The following LCLAT1 variants were observed in gnomAD, a reference collection of about 807,000 sequenced individuals.
LCLAT1 encodes 1-AGP acyltransferase 8.
Under a neutral mutation model 30.7 loss-of-function variants are expected in LCLAT1, and 11 were observed. The observed-to-expected ratio is 0.36, with a 90% CI of 0.23 to 0.59. LCLAT1 has a LOEUF of 0.59. Among genes scored for constraint, LCLAT1 ranks in the 20% least tolerant of loss-of-function variants. LCLAT1 has a pLI of 0.77. For missense variants in LCLAT1, 402 were observed against 458.6 expected (o/e 0.88, Z 1.13); for synonymous variants, 155 against 151.3 (o/e 1.02, Z -0.18).
At chr2:30,468,597 A>G (rs1247421837) in intron 1 of LCLAT1, among the ~76,000 whole-genome samples, 2 of 152,172 alleles carry the variant, frequency 1.3e-5, no homozygotes, top group Non-Finnish European at 2.9e-5. Context: ...AGTGGCATTG[A>G]GTACATTCAT....
rs542710282 is a variant in LCLAT1, at chr2:30,568,064, C to T, written c.516C>T (p.Asn172=). 6 of 1,521,200 alleles carry T rather than the reference C, an allele frequency of 3.9e-6. No individual in the cohort carries two copies. The South Asian group carries it at 7.0e-5, about 18-fold the overall frequency. The allele number at this position is 1,521,200 out of a possible 1,614,324, so 94.2% of individuals were successfully genotyped here. The change falls in exon 5 of 6, where the codon AAC becomes AAT. Residue 172 remains asparagine (N), a synonymous_variant. Coordinates refer to ENST00000379509, the MANE Select transcript of LCLAT1 (RefSeq NM_001002257.3). Reference sequence around the variant, plus strand: ...ATGGTCCATTGTTTTGTTTAGAAAACAGCAAGTCTCGAAGTAATGCATTTG... The same window carrying T: ...ATGGTCCATTGTTTTGTTTAGAAAATAGCAAGTCTCGAAGTAATGCATTTG... ...IFPEGTDLTE[N]SKSRSNAFAE...
At chr2:30,594,534 C>G (rs148180478) in intron 5 of LCLAT1, among the ~76,000 whole-genome samples, 1 of 152,114 alleles carries the variant, frequency 6.6e-6, no homozygotes, top group African/African-American at 2.4e-5. Context: ...TTTCATTTAG[C>G]TCTGCGTGAC....
intron 1 of LCLAT1, among the ~76,000 whole-genome samples, chr2:30,468,993 C>T (rs1188862223): frequency 2.0e-5 from 3 of 152,090 alleles, no homozygotes; most frequent in Non-Finnish European, 4.4e-5. Flanking sequence ...TTTGCATTTC[C>T]CCAATGATGT....
rs146118361 is a variant in LCLAT1, at chr2:30,586,104, C to T, written c.628+17928C>T. 2.9e-3 allele frequency among the ~76,000 whole-genome samples: 448 copies of T among 152,002 alleles called. 2 individuals carry two copies. Among genetic ancestry groups the T allele is most frequent in the African/African-American group, 0.011 (436 of 41,470 alleles). On this transcript the variant is annotated intron_variant, in intron 5 of 5. Coordinates refer to ENST00000379509, the MANE Select transcript of LCLAT1 (RefSeq NM_001002257.3). ...AAAAAATACAAAAAAATTAGCCAGA[C>T]GTGATGGTGGGCACCTGTAGTCCCA...
chr2:30,478,530 T>A (rs1407629174), intron 1 of LCLAT1, among the ~76,000 whole-genome samples: 1 of 152,136 alleles, frequency 6.6e-6, no homozygotes, highest in Non-Finnish European at 1.5e-5. Flanking sequence ...AAGTTACTTC[T>A]TAGCTGAGTG....
intron 5 of LCLAT1, among the ~76,000 whole-genome samples, chr2:30,593,505 T>C (rs1666786275): frequency 6.6e-6 from 1 of 152,204 alleles, no homozygotes; most frequent in South Asian, 2.1e-4. Context: ...CTTTGTTCTT[T>C]TTGCTTAGGA....
chr2:30,463,164 A>G (rs1320167138), intron 1 of LCLAT1, among the ~76,000 whole-genome samples: 2 of 151,852 alleles, frequency 1.3e-5, no homozygotes, highest in African/African-American at 4.8e-5. Flanking sequence ...TTTATAAAAA[A>G]TATATGAAGA....
At chr2:30,549,600 G>C (rs1558512549) in intron 3 of LCLAT1, among the ~76,000 whole-genome samples, 2 of 152,100 alleles carry the variant, frequency 1.3e-5, no homozygotes, top group Admixed American at 6.5e-5. Context: ...ATGGCACTTT[G>C]CAATAATAAT....
At chr2:30,479,208 T>C in intron 1 of LCLAT1, among the ~76,000 whole-genome samples, 1 of 152,034 alleles carries the variant, frequency 6.6e-6, no homozygotes, top group South Asian at 2.1e-4. Flanking sequence ...GTAGAGTATA[T>C]ACTTGTTTTT....
intron 1 of LCLAT1, among the ~76,000 whole-genome samples, chr2:30,511,853 G>A (rs1294693355): frequency 6.6e-6 from 1 of 152,188 alleles, no homozygotes; most frequent in Non-Finnish European, 1.5e-5. Context: ...GAATCCACCT[G>A]CCCCTCACTC....
In LCLAT1 at chr2:30,459,714, A is replaced by G. The variant is rs1682013207; in HGVS notation, c.-5+12331A>G. Reference sequence around the variant, plus strand: ...CGTACTTCATAAAGCAGGACTCTAAAAGCTTTGGGTAAGTCTTTGTAATGA... The same window carrying G: ...CGTACTTCATAAAGCAGGACTCTAAGAGCTTTGGGTAAGTCTTTGTAATGA... On this transcript the variant is annotated intron_variant, in intron 1 of 5. Transcript: ENST00000379509. 4 of 1,611,510 alleles carry G rather than the reference A, an allele frequency of 2.5e-6. No individual in the cohort carries two copies. The African/African-American group carries it at 4.0e-5, about 16-fold the overall frequency.
intron 1 of LCLAT1, among the ~76,000 whole-genome samples, chr2:30,464,285 C>T (rs1682313710): frequency 6.6e-6 from 1 of 151,800 alleles, no homozygotes; most frequent in Non-Finnish European, 1.5e-5. Context: ...TCATATTTTA[C>T]ATGTAACTCT....
chr2:30,499,081 C>G (rs767670303), intron 1 of LCLAT1, among the ~76,000 whole-genome samples: 8 of 152,156 alleles, frequency 5.3e-5, no homozygotes, highest in Non-Finnish European at 1.0e-4. Flanking sequence ...AGTTGGGCCA[C>G]TGATTTCGGA....
intron 5 of LCLAT1, among the ~76,000 whole-genome samples, chr2:30,573,514 G>A (rs1194006331): frequency 1.3e-5 from 2 of 152,092 alleles, no homozygotes; most frequent in Non-Finnish European, 2.9e-5. Flanking sequence ...TACCTCTCTG[G>A]CTGTATCTCC....
At chr2:30,598,435 CA>C (rs1290052482) in intron 5 of LCLAT1, among the ~76,000 whole-genome samples, 2 of 145,728 alleles carry the variant, frequency 1.4e-5, no homozygotes, top group Non-Finnish European at 3.0e-5. Context: ...TTTTTATTTG[CA>C]GAGGTGTTTA....
chr2:30,482,563 T>G (rs981094477), intron 1 of LCLAT1, among the ~76,000 whole-genome samples: 32 of 152,200 alleles, frequency 2.1e-4, no homozygotes, highest in African/African-American at 7.7e-4. Context: ...CATGGTCTTA[T>G]ATGCCGTGAC....
chr2:30,494,826 AT>A lies in LCLAT1; in HGVS notation c.-4-30748del, dbSNP rs1315019638. Among the ~76,000 whole-genome samples, 819 of 140,048 alleles carry A rather than the reference AT, an allele frequency of 5.8e-3. 7 individuals carry two copies. Among genetic ancestry groups the A allele is most frequent in the African/African-American group, 0.017 (637 of 38,386 alleles). The allele number at this position is 140,048 out of a possible 152,430, so 91.9% of individuals were successfully genotyped here. A position where few individuals can be genotyped will look rare whatever the true frequency, so the allele number is the denominator to read the frequency against. ...CATCTTTCTGTTTTAATCATTTTTA[AT>A]TTTTTTTTTTTTGAAATTTATCACT... On this transcript the variant is annotated intron_variant, in intron 1 of 5. Coordinates refer to ENST00000379509, the MANE Select transcript of LCLAT1 (RefSeq NM_001002257.3).
chr2:30,627,083 A>G (rs1265309030), intron 5 of LCLAT1, among the ~76,000 whole-genome samples: 1 of 152,188 alleles, frequency 6.6e-6, no homozygotes, highest in Non-Finnish European at 1.5e-5. Context: ...GTCTGTGAGA[A>G]ACACACTCAC....
intron 5 of LCLAT1, among the ~76,000 whole-genome samples, chr2:30,602,737 G>GTGTAAAGTTTAGA (rs1304337076): frequency 6.6e-6 from 1 of 152,020 alleles, no homozygotes; most frequent in Non-Finnish European, 1.5e-5. Flanking sequence ...GTTTCTAATG[G>GTGTAAAGTTTAGA]TGTAAAGTTT....
Sources: allele counts gnomAD v4.1 joint callset (sites outside exome capture counted in the v4.1 genomes callset), GRCh38; gene constraint gnomAD v4.1.1; transcripts MANE v1.5; gene names NCBI Gene and HGNC (gene_info 2026-07-23, HGNC 2026-07-21).